NRXN1: variants seen among roughly 807,000 people sequenced by gnomAD.
NRXN1 encodes the protein neurexin-1.
A neutral mutation model predicts 150.9 loss-of-function variants in NRXN1; 39 were observed. The ratio of observed to expected loss-of-function variants is 0.26; its 90% confidence interval spans 0.20 to 0.34. The LOEUF is 0.34. Among genes scored for constraint, NRXN1 ranks in the 10% least tolerant of loss-of-function variants. The pLI, the probability that NRXN1 is intolerant of heterozygous loss-of-function variation, is 1.00. For missense variants in NRXN1, 1,815 were observed against 1,949.9 expected, an observed-to-expected ratio of 0.93 and a Z score of 1.30; for synonymous variants, 924 against 757.0, an observed-to-expected ratio of 1.22 and a Z score of -3.62.
In NRXN1 at chr2:51,028,482, T is replaced by G; in HGVS notation, c.-209A>C. 2.4e-6 allele frequency: 1 copy of G among 423,906 alleles called. No individual in the cohort carries two copies. The allele number at this position is 423,906 out of a possible 1,614,324, so 26.3% of individuals were successfully genotyped here. A position where few individuals can be genotyped will look rare whatever the true frequency, so the allele number is the denominator to read the frequency against. On this transcript the variant is annotated 5_prime_UTR_variant, in exon 2 of 23. Coordinates refer to ENST00000401669, the MANE Select transcript of NRXN1 (RefSeq NM_001330078.2). ...TCTCTCCCTGTAGTCCTCTTCCAACTGGAAAACGTTGACCCCAGTGGTACA... is the reference window on the plus strand; with the variant it reads ...TCTCTCCCTGTAGTCCTCTTCCAACGGGAAAACGTTGACCCCAGTGGTACA...
intron 8 of NRXN1, among the ~76,000 whole-genome samples, chr2:50,606,381 T>C (rs891074531): frequency 1.3e-5 from 2 of 149,776 alleles, no homozygotes; most frequent in African/African-American, 4.9e-5. Flanking sequence ...TTACAAGAAA[T>C]ATCTAAAACA....
At chr2:50,830,762 TTAAA>T (rs1339897333) in intron 5 of NRXN1, among the ~76,000 whole-genome samples, 2 of 150,952 alleles carry the variant, frequency 1.3e-5, no homozygotes, top group Non-Finnish European at 2.9e-5. Flanking sequence ...TCTTTTAAAA[TTAAA>T]TTAATACAAT....
At chr2:50,307,901 A>G (rs1386906614) in intron 17 of NRXN1, among the ~76,000 whole-genome samples, 1 of 152,264 alleles carries the variant, frequency 6.6e-6, no homozygotes, top group Non-Finnish European at 1.5e-5. Context: ...TTGAAAACCA[A>G]GAAGAAATAA....
chr2:50,116,187 T>C (rs953406068), intron 18 of NRXN1, among the ~76,000 whole-genome samples: 1 of 152,084 alleles, frequency 6.6e-6, no homozygotes, highest in Non-Finnish European at 1.5e-5. Context: ...TTGTTGATCT[T>C]CCACTGGCTT....
chr2:50,049,327 A>T (rs950732743), intron 21 of NRXN1, among the ~76,000 whole-genome samples: 87 of 152,278 alleles, frequency 5.7e-4, no homozygotes, highest in African/African-American at 2.0e-3. Context: ...GAGCATCATC[A>T]CTAGAATCAA....
chr2:50,007,933 T>C (rs1021599224), intron 21 of NRXN1, among the ~76,000 whole-genome samples: 1 of 152,194 alleles, frequency 6.6e-6, no homozygotes, highest in Non-Finnish European at 1.5e-5. Flanking sequence ...TTATTCTAAC[T>C]CCCAATGCTG....
chr2:50,726,749 C>T (rs1466017707), intron 5 of NRXN1, among the ~76,000 whole-genome samples: 2 of 152,120 alleles, frequency 1.3e-5, no homozygotes, highest in Admixed American at 6.5e-5. Context: ...AACACAATTT[C>T]ACATCAACTA....
At chr2:50,211,135 A>T (rs2062984494) in intron 18 of NRXN1, among the ~76,000 whole-genome samples, 1 of 151,674 alleles carries the variant, frequency 6.6e-6, no homozygotes, top group Non-Finnish European at 1.5e-5. Context: ...GGGAAACTTT[A>T]TTTTAGGAGA....
At chr2:50,908,783 A>G (rs1268592688) in intron 5 of NRXN1, among the ~76,000 whole-genome samples, 1 of 151,990 alleles carries the variant, frequency 6.6e-6, no homozygotes. Flanking sequence ...TAAGGTCATC[A>G]GTATGGAGCC....
chr2:50,514,299 C>CA (rs1398566876), intron 12 of NRXN1, among the ~76,000 whole-genome samples: 1 of 152,098 alleles, frequency 6.6e-6, no homozygotes, highest in Non-Finnish European at 1.5e-5. Flanking sequence ...TTTAGACCTA[C>CA]AGCACCTGGT....
At chr2:50,281,624 G>A (rs1157201320) in intron 17 of NRXN1, among the ~76,000 whole-genome samples, 2 of 152,060 alleles carry the variant, frequency 1.3e-5, no homozygotes, top group East Asian at 1.9e-4. Flanking sequence ...CTGCACTAAG[G>A]AAGGAAGTGA....
chr2:50,653,976 C>CT (rs35931647), intron 5 of NRXN1, among the ~76,000 whole-genome samples: 27,706 of 127,258 alleles, frequency 0.22, 3,328 homozygotes, highest in East Asian at 0.38. Context: ...GCCTTTTCAT[C>CT]TTTTTTTTTT....
chr2:50,998,081 G>A (rs986507483), intron 2 of NRXN1, among the ~76,000 whole-genome samples: 2 of 141,362 alleles, frequency 1.4e-5, no homozygotes, highest in South Asian at 4.5e-4. Context: ...ACCAATGGCT[G>A]TTTACACCAG....
chr2:50,062,195 G>A (rs1014876929), intron 19 of NRXN1, among the ~76,000 whole-genome samples: 1 of 152,028 alleles, frequency 6.6e-6, no homozygotes, highest in African/African-American at 2.4e-5. Context: ...TCCCAAAATT[G>A]ATCTATTGAA....
intron 22 of NRXN1, chr2:49,926,397 A>C: frequency 5.0e-6 from 2 of 398,404 alleles, no homozygotes; most frequent in Non-Finnish European, 8.9e-6. Context: ...GTCCCTGTAG[A>C]TTTATCAAGA....
At chr2:50,946,420 T>A (rs896047291) in intron 2 of NRXN1, among the ~76,000 whole-genome samples, 1 of 152,162 alleles carries the variant, frequency 6.6e-6, no homozygotes, top group South Asian at 2.1e-4. Context: ...TGTGTATCTA[T>A]TGAGATTCTT....
intron 5 of NRXN1, among the ~76,000 whole-genome samples, chr2:50,859,282 A>G (rs1263651185): frequency 6.6e-6 from 1 of 151,892 alleles, no homozygotes; most frequent in African/African-American, 2.4e-5. Context: ...TTCCCAAACC[A>G]CAGTACTTCT....
chr2:50,512,460 C>T (rs548267487), intron 12 of NRXN1, among the ~76,000 whole-genome samples: 59 of 152,244 alleles, frequency 3.9e-4, no homozygotes, highest in Admixed American at 2.0e-3. Context: ...TTTTGTTAAT[C>T]ACTATAAATT....
intron 2 of NRXN1, among the ~76,000 whole-genome samples, chr2:51,015,592 G>A (rs1668537826): frequency 1.3e-5 from 2 of 151,744 alleles, no homozygotes; most frequent in Admixed American, 6.6e-5. Flanking sequence ...CTCTACCTAT[G>A]TCTGTACTTT....
Sources: allele counts gnomAD v4.1 joint callset (sites outside exome capture counted in the v4.1 genomes callset), GRCh38; gene constraint gnomAD v4.1.1; transcripts MANE v1.5; gene names NCBI Gene and HGNC (gene_info 2026-07-23, HGNC 2026-07-21).